Variants in ZFHX4 observed in about 807,000 individuals in gnomAD.
The protein encoded by ZFHX4 is zinc finger homeobox 4.
In ZFHX4, 56 loss-of-function variants were observed where a neutral mutation model predicts 267.6. The observed-to-expected ratio is 0.21, with a 90% CI of 0.17 to 0.26. The LOEUF is 0.26. Ranked by LOEUF, ZFHX4 falls within the 10% of genes least tolerant of loss-of-function variation. The pLI, the probability that ZFHX4 is intolerant of heterozygous loss-of-function variation, is 1.00. For missense variants in ZFHX4, 4,332 were observed against 4,420.0 expected (o/e 0.98, Z 0.56); for synonymous variants, 1,778 against 1,665.6 (o/e 1.07, Z -1.64).
At position 76,852,616 on chromosome 8, in the gene ZFHX4, C is replaced by G. The variant is rs1563560495; in HGVS notation, c.5695C>G (p.Arg1899Gly). 1 of 1,612,494 alleles carries G rather than the reference C, an allele frequency of 6.2e-7. No individual in the cohort carries two copies. The highest frequency in any genetic ancestry group is 8.5e-7 in the Non-Finnish European group (1 of 1,179,108). ...CTTGGAACCATCCATCCCACCACCC[C>G]GAATAGCTTCAGGGGCCAGAGGAAA... is the stretch of plus-strand genomic sequence containing the variant. ...KSLEPSIPPP[R>G]IASGARGNAA... is the part of the protein sequence containing the mutation. Residue 1899 changes from arginine to glycine, a missense_variant, in exon 10 of 11, where the codon CGA becomes GGA. Transcript: ENST00000651372.
chr8:76,723,889 T>C (rs528512164), intron 3 of ZFHX4, among the ~76,000 whole-genome samples: 1 of 152,222 alleles, frequency 6.6e-6, no homozygotes, highest in African/African-American at 2.4e-5. Context: ...GGAACATGCA[T>C]TGAAGCAGTT....
In ZFHX4 at chr8:76,704,417, A is replaced by T. The variant is rs1472076845; in HGVS notation, c.329A>T (p.Asp110Val). The T allele has an allele frequency of 2.5e-6, 4 of 1,614,028 alleles. No individual in the cohort carries two copies. The highest frequency in any genetic ancestry group is 1.3e-5 in the African/African-American group (1 of 75,050). The stretch of plus-strand genomic sequence containing the variant: ...AATGCCCGCCTTCCTGTCCTGAAGG[A>T]TGACAACGAGAGCGAGATCAGCGAG... ...CPNARLPVLK[D>V]DNESEISELE... is the part of the protein sequence containing the mutation. Residue 110 changes from aspartate to valine, a missense_variant, in exon 2 of 11, where the codon GAT (aspartate) becomes GTT (valine). By Grantham distance (152) the Asp-to-Val change is radical. Around this residue, in one of 7 missense-constraint regions of ZFHX4, gnomAD observed 1,195 missense variants for 1,173.6 expected, o/e 1.02. Coordinates refer to ENST00000651372, the MANE Select transcript of ZFHX4 (RefSeq NM_024721.5).
intron 6 of ZFHX4, among the ~76,000 whole-genome samples, chr8:76,843,693 G>A (rs1397197862): frequency 1.3e-5 from 2 of 152,060 alleles, no homozygotes; most frequent in Non-Finnish European, 2.9e-5. Context: ...ATTAGTTTCA[G>A]GTAGTCATCT....
chr8:76,818,010 GT>G (rs1811550583), intron 4 of ZFHX4, among the ~76,000 whole-genome samples: 1 of 152,298 alleles, frequency 6.6e-6, no homozygotes, highest in African/African-American at 2.4e-5. Flanking sequence ...AAAAGTGAAA[GT>G]TCCCTGCCCT....
chr8:76,837,302 C>A (rs1170813805), intron 5 of ZFHX4, among the ~76,000 whole-genome samples: 1 of 151,924 alleles, frequency 6.6e-6, no homozygotes, highest in African/African-American at 2.4e-5. Context: ...CAAAGAGAGG[C>A]ACGATTTTCC....
At position 76,706,528 on chromosome 8, in the gene ZFHX4, G is replaced by C. The variant is rs372683644; in HGVS notation, c.2440G>C (p.Ala814Pro). 1.2e-5 allele frequency: 19 copies of C among 1,613,334 alleles called. No homozygotes were observed. ...CCAGCATAATCTGCACTTGGGCCTC[G>C]CCCCGGCGGAAGCAGAGCTTTATCA... ...QIQHNLHLGL[A>P]PAEAELYQYY... Residue 814 changes from alanine to proline, a missense_variant, in exon 2 of 11, where the codon GCC becomes CCC. This residue lies in a region of ZFHX4 where 1,195 missense variants were observed against 1,173.6 expected (regional missense o/e 1.02). Transcript: ENST00000651372.
chr8:76,820,118 G>A lies in ZFHX4; in HGVS notation c.3326-13220G>A, dbSNP rs564995989. On this transcript the variant is annotated intron_variant, in intron 4 of 10. Transcript: ENST00000651372. ...AGCATTGTTAAAAATCCTCCAAAGG[G>A]AATTCTGCCTTTGGCTGAAATTATT... Among the ~76,000 whole-genome samples the A allele has an allele frequency of 3.3e-5, 5 of 152,236 alleles. 1 individual carries two copies. In the South Asian group the frequency reaches 8.3e-4, roughly 25 times the overall value.
At chr8:76,772,926 A>G (rs1206437102) in intron 3 of ZFHX4, among the ~76,000 whole-genome samples, 5 of 152,124 alleles carry the variant, frequency 3.3e-5, no homozygotes, top group African/African-American at 4.8e-5. Context: ...TCTTTGGGAA[A>G]GTGGTACCCA....
At chr8:76,760,691 GC>G (rs1316629999) in intron 3 of ZFHX4, among the ~76,000 whole-genome samples, 1 of 152,064 alleles carries the variant, frequency 6.6e-6, no homozygotes, top group Non-Finnish European at 1.5e-5. Context: ...ACTATGGGAG[GC>G]CAGGGCCAGA....
intron 4 of ZFHX4, among the ~76,000 whole-genome samples, chr8:76,823,067 C>T (rs1258907274): frequency 6.6e-6 from 1 of 151,620 alleles, no homozygotes; most frequent in African/African-American, 2.4e-5. Flanking sequence ...GACTCTACTA[C>T]CTTTCTCTAC....
chr8:76,765,476 G>A (rs1810028317), intron 3 of ZFHX4, among the ~76,000 whole-genome samples: 1 of 151,968 alleles, frequency 6.6e-6, no homozygotes, highest in African/African-American at 2.4e-5. Flanking sequence ...AAATATTAAT[G>A]TTATACATGT....
intron 3 of ZFHX4, among the ~76,000 whole-genome samples, chr8:76,739,169 C>T (rs999082208): frequency 6.6e-6 from 1 of 152,154 alleles, no homozygotes; most frequent in African/African-American, 2.4e-5. Flanking sequence ...TCATAGACAA[C>T]AGGGTTAGGA....
chr8:76,849,747 A>ATGTCAC, intron 8 of ZFHX4, 35 bp downstream of exon 8: 2 of 1,564,612 alleles, frequency 1.3e-6, no homozygotes, highest in Non-Finnish European at 1.8e-6. Context: ...TGTGTGACAT[A>ATGTCAC]ATCTGTGTCA....
In ZFHX4 at chr8:76,856,021, A is replaced by G; in HGVS notation, c.9100A>G (p.Lys3034Glu). Residue 3034 changes from lysine (K) to glutamate (E), a missense_variant, in exon 10 of 11, where the codon AAA (lysine) becomes GAA (glutamate). Lys to Glu is a moderately conservative substitution (Grantham distance 56). Around this residue, in one of 7 missense-constraint regions of ZFHX4, gnomAD observed 1,648 missense variants for 1,625.0 expected, o/e 1.01. Transcript: ENST00000651372. Reference protein sequence around the residue: ...DHIFSKQHISKVRETVGSQLD... With the variant: ...DHIFSKQHISEVRETVGSQLD... Reference sequence around the variant, plus strand: ...CATTTTCTCCAAACAGCACATTTCAAAAGTGAGGGAGACCGTTGGCAGTCA... The same window carrying G: ...CATTTTCTCCAAACAGCACATTTCAGAAGTGAGGGAGACCGTTGGCAGTCA... The G allele has an allele frequency of 1.2e-6, 2 of 1,613,986 alleles. No individual in the cohort carries two copies. Among genetic ancestry groups the G allele is most frequent in the Non-Finnish European group, 1.7e-6 (2 of 1,179,878 alleles).
chr8:76,687,852 T>C (rs1246912145), intron 1 of ZFHX4, among the ~76,000 whole-genome samples: 2 of 152,194 alleles, frequency 1.3e-5, no homozygotes, highest in Admixed American at 1.3e-4. Context: ...TAGCATTTTT[T>C]TGCATAATGA....
chr8:76,864,158 A>G lies in ZFHX4; in HGVS notation c.10444A>G (p.Asn3482Asp), dbSNP rs1054967757. 2.5e-6 allele frequency: 4 copies of G among 1,613,790 alleles called. No homozygotes were observed. The African/African-American group carries it at 5.3e-5, about 22-fold the overall frequency. Reference protein sequence around the residue: ...KEKTIKQAMRNAKEHVRLLPH... With the variant: ...KEKTIKQAMRDAKEHVRLLPH... ...GAAAACAATCAAACAAGCAATGAGA[A>G]ATGCCAAAGAGCATGTTAGATTATT... is the stretch of plus-strand genomic sequence containing the variant. Residue 3482 changes from asparagine to aspartate, a missense_variant, in exon 11 of 11, where the codon AAT becomes GAT. Physicochemically the swap from Asn to Asp is conservative, Grantham distance 23 (BLOSUM62 1). Transcript: ENST00000651372.
rs565006274 is a variant in ZFHX4 at position 76,724,952 on chromosome 8, A to C, written c.3093+16904A>C. ...TTTGGGAGTTTCACTTCATAGCAGC[A>C]TATATTTTCTCTCTGTCTGTGTAGA... is the stretch of plus-strand genomic sequence containing the variant. On this transcript the variant is annotated intron_variant, in intron 3 of 10. Coordinates refer to ENST00000651372, the MANE Select transcript of ZFHX4 (RefSeq NM_024721.5). Among the ~76,000 whole-genome samples the C allele has an allele frequency of 4.2e-4, 64 of 152,102 alleles. 2 individuals are homozygous for C. In the South Asian group the frequency reaches 0.012, roughly 29 times the overall value.
intron 1 of ZFHX4, among the ~76,000 whole-genome samples, chr8:76,690,016 C>T (rs1358702698): frequency 2.0e-5 from 3 of 152,032 alleles, no homozygotes; most frequent in African/African-American, 7.2e-5. Context: ...TTTGGTCACT[C>T]AGGTTAGCGG....
chr8:76,829,773 C>A lies in ZFHX4; in HGVS notation c.3326-3565C>A, dbSNP rs560150093. On this transcript the variant is annotated intron_variant, in intron 4 of 10. Coordinates refer to ENST00000651372, the MANE Select transcript of ZFHX4 (RefSeq NM_024721.5). ...GGTGGAGGTTGCAGTGAGTCAAGAT[C>A]GCGCCACTGCACTCCGGCCTGGGTT... is the stretch of plus-strand genomic sequence containing the variant. Among the ~76,000 whole-genome samples the A allele has an allele frequency of 3.9e-5, 6 of 152,074 alleles. No individual in the cohort carries two copies. In the South Asian group the frequency reaches 1.2e-3, roughly 32 times the overall value.
Sources: gnomAD v4.1 joint callset for allele counts (sites outside exome capture counted in the v4.1 genomes callset) on GRCh38, gnomAD v4.1.1 for gene constraint, gnomAD v4.1.1 regional missense constraint, MANE v1.5 for transcripts, NCBI Gene and HGNC (gene_info 2026-07-23, HGNC 2026-07-21) for gene names.